Variants in NPHS1 observed in about 807,000 individuals in gnomAD.
NPHS1 encodes nephrin.
Under a neutral mutation model 139.7 loss-of-function variants are expected in NPHS1, and 107 were observed. That is an observed-to-expected ratio of 0.77 (90% CI 0.66 to 0.90). NPHS1 has a LOEUF of 0.90. Ranked by LOEUF, NPHS1 falls within the 40% of genes least tolerant of loss-of-function variation. NPHS1 has a pLI of 0.00. For synonymous variants in NPHS1, 707 were observed against 706.6 expected, an observed-to-expected ratio of 1.00 and a Z score of -0.01; for missense variants, 1,580 against 1,654.2, an observed-to-expected ratio of 0.96 and a Z score of 0.78.
In NPHS1 at chr19:35,849,646, G is replaced by T. The variant is rs201822740; in HGVS notation, c.616C>A (p.Pro206Thr). 13 of 1,613,348 alleles carry T rather than the reference G, an allele frequency of 8.1e-6. No individual in the cohort carries two copies. The East Asian group carries it at 2.7e-4, about 33-fold the overall frequency. The change falls in exon 6 of 29, where the codon CCC becomes ACC. Residue 206 changes from proline to threonine, a missense_variant. By Grantham distance (38) the Pro-to-Thr change is conservative. Transcript: ENST00000378910. The part of the protein sequence containing the change: ...FTVEATARVT[P>T]RSSDNRQLLV... ...AACTGCCTATTATCTGAGCTCCGGG[G>T]TGTCACCCTGGGATGAGAAGTCAGG...
intron 19 of NPHS1, 68 bp from the exon 20 acceptor site, chr19:35,841,934 G>A (rs1973061989): frequency 6.0e-6 from 9 of 1,512,316 alleles, no homozygotes; most frequent in Non-Finnish European, 8.1e-6. Context: ...AATCATCTAT[G>A]CATCCATCCA....
At position 35,849,629 on chromosome 19, in the gene NPHS1, A is replaced by G; in HGVS notation, c.633T>C (p.Asn211=). 3 of 1,613,980 alleles carry G rather than the reference A, an allele frequency of 1.9e-6. No individual in the cohort carries two copies. Among genetic ancestry groups the G allele is most frequent in the South Asian group, 1.1e-5 (1 of 91,078 alleles). The change falls in exon 6 of 29, where the codon AAT becomes AAC. Residue 211 remains asparagine, a synonymous_variant. Coordinates refer to ENST00000378910, the MANE Select transcript of NPHS1 (RefSeq NM_004646.4). ...TARVTPRSSD[N]RQLLVCEASS... is the part of the protein sequence containing the mutation. ...ACGCCTCACAGACCAGCAACTGCCT[A>G]TTATCTGAGCTCCGGGGTGTCACCC... is the stretch of plus-strand genomic sequence containing the variant.
At chr19:35,850,105 A>G (rs917267044) in intron 5 of NPHS1, among the ~76,000 whole-genome samples, 1 of 152,084 alleles carries the variant, frequency 6.6e-6, no homozygotes, top group African/African-American at 2.4e-5. Context: ...TAGTGAAAAC[A>G]GGGTTTCACC....
chr19:35,843,880 G>T, intron 16 of NPHS1: 1 of 688,324 alleles, frequency 1.5e-6, no homozygotes, highest in South Asian at 1.9e-5. Flanking sequence ...AGCAGCTTCC[G>T]TGTCTAGGCG....
chr19:35,844,001 T>C, intron 16 of NPHS1, 102 bp downstream of exon 16: 3 of 1,491,830 alleles, frequency 2.0e-6, no homozygotes, highest in Non-Finnish European at 2.7e-6. Flanking sequence ...GGTTCCAGGA[T>C]GGGTGGCTAT....
Position 35,825,473 on chromosome 19 carries a change from C to T in NPHS1, c.*1041G>A, listed in dbSNP as rs972581445. On this transcript the variant is annotated 3_prime_UTR_variant, in exon 29 of 29. Transcript: ENST00000378910. ...ATGAGTTTTGACAAATCTGTGCACC[C>T]GTGCAACCACCACCACAATCGTTAT... Among the ~76,000 whole-genome samples, 3 of 152,082 alleles carry T rather than the reference C, an allele frequency of 2.0e-5. No homozygotes were observed. The highest frequency in any genetic ancestry group is 6.6e-5 in the Admixed American group (1 of 15,262).
At position 35,845,624 on chromosome 19, in the gene NPHS1, G is replaced by A. The variant is rs1458833934; in HGVS notation, c.1757+45C>T. Reference sequence around the variant, plus strand: ...GGCGGGGGCGGGACATGCGTGGAGGGGGCGAGGCCAGACCAGAGAGGGGAG... The same window carrying A: ...GGCGGGGGCGGGACATGCGTGGAGGAGGCGAGGCCAGACCAGAGAGGGGAG... On this transcript the variant is annotated intron_variant, in intron 13 of 28. Coordinates refer to ENST00000378910, the MANE Select transcript of NPHS1 (RefSeq NM_004646.4). The surrounding 1 kb of genome is among the most constrained non-coding windows in gnomAD (Gnocchi z 5.5). The A allele has an allele frequency of 1.9e-6, 3 of 1,608,900 alleles. No homozygotes were observed. Among genetic ancestry groups the A allele is most frequent in the Admixed American group, 1.7e-5 (1 of 59,392 alleles).
rs1242924828 is a variant in NPHS1 at position 35,826,498 on chromosome 19, G to GT, written c.*15_*16insA. ...TAAATTCCTGCAGGTGCAGGACAAT[G>GT]GGGTTGAGAGGGCTCTTACACCAGA... On this transcript the variant is annotated 3_prime_UTR_variant, in exon 29 of 29. Transcript: ENST00000378910. The GT allele has an allele frequency of 6.2e-7, 1 of 1,613,096 alleles. No individual in the cohort carries two copies. The highest frequency in any genetic ancestry group is 1.1e-5 in the South Asian group (1 of 91,030).
intron 23 of NPHS1, among the ~76,000 whole-genome samples, chr19:35,834,375 G>A (rs1380285001): frequency 6.6e-6 from 1 of 152,200 alleles, no homozygotes; most frequent in Non-Finnish European, 1.5e-5. Context: ...CCAGCTGACT[G>A]CAGAGATGAT....
At chr19:35,842,695 A>T (rs1973079563) in intron 17 of NPHS1, 145 bp from the exon 18 acceptor site, 1 of 794,142 alleles carries the variant, frequency 1.3e-6, no homozygotes, top group East Asian at 2.7e-5. Flanking sequence ...CCTGTCATCC[A>T]TCTATCCATT....
chr19:35,841,747 G>C lies in NPHS1; in HGVS notation c.2783C>G (p.Ser928Trp), dbSNP rs386833926. The change falls in exon 20 of 29, where the codon TCG (serine) becomes TGG (tryptophan). Residue 928 changes from serine to tryptophan, a missense_variant. Transcript: ENST00000378910. ...GACAAGTTGAATGTTGGTTTGGTCCGAGCCAAGGGCGTTGGTGGCTGTACA... is the reference window on the plus strand; with the variant it reads ...GACAAGTTGAATGTTGGTTTGGTCCCAGCCAAGGGCGTTGGTGGCTGTACA... The part of the protein sequence containing the change: ...FTCTATNALG[S>W]DQTNIQLVSI... 1 of 1,614,044 alleles carries C rather than the reference G, an allele frequency of 6.2e-7. No homozygotes were observed. The highest frequency in any genetic ancestry group is 1.3e-5 in the African/African-American group (1 of 74,920).
Position 35,831,061 on chromosome 19 carries a change from T to A in NPHS1, c.3473A>T (p.Tyr1158Phe), listed in dbSNP as rs1052544381. The A allele has an allele frequency of 1.9e-6, 3 of 1,613,972 alleles. No individual in the cohort carries two copies. The African/African-American group carries it at 4.0e-5, about 22-fold the overall frequency. Reference protein sequence around the residue: ...QLPPTQEEVSYSRGFTGEDED... With the variant: ...QLPPTQEEVSFSRGFTGEDED... ...ACATGGTCCTAACTCACCTCGGGAA[T>A]AAGACACCTCCTCCTGCGTCGGGGG... Residue 1158 changes from tyrosine (Y) to phenylalanine (F), a missense_variant, in exon 27 of 29, where the codon TAT becomes TTT. Tyr to Phe is a conservative substitution (Grantham distance 22). Transcript: ENST00000378910.
chr19:35,839,344 G>C lies in NPHS1; in HGVS notation c.3002C>G (p.Thr1001Ser), dbSNP rs764277671. ...VPPQATTFTLTGLQPSTRYRV... is the reference protein window; with the variant it reads ...VPPQATTFTLSGLQPSTRYRV... Reference sequence around the variant, plus strand: ...GTATCTTGTAGAAGGCTGTAGACCAGTCAGCGTGAAGGTGGTGGCCTGGGG... The same window carrying C: ...GTATCTTGTAGAAGGCTGTAGACCACTCAGCGTGAAGGTGGTGGCCTGGGG... The change falls in exon 22 of 29, where the codon ACT (threonine) becomes AGT (serine). Residue 1001 changes from threonine to serine, a missense_variant. Physicochemically the swap from Thr to Ser is moderately conservative, Grantham distance 58. Transcript: ENST00000378910. 2.5e-6 allele frequency: 4 copies of C among 1,614,230 alleles called. No individual in the cohort carries two copies. The highest frequency in any genetic ancestry group is 3.4e-6 in the Non-Finnish European group (4 of 1,180,042).
chr19:35,841,573 T>C, intron 20 of NPHS1, 142 bp downstream of exon 20: 2 of 919,646 alleles, frequency 2.2e-6, no homozygotes, highest in Non-Finnish European at 3.5e-6. Context: ...CCATTAGGAT[T>C]TTCAGGGCAG....
At chr19:35,834,479 C>T (rs1025219697) in intron 23 of NPHS1, among the ~76,000 whole-genome samples, 1 of 152,094 alleles carries the variant, frequency 6.6e-6, no homozygotes, top group Non-Finnish European at 1.5e-5. Context: ...GTTCATTATA[C>T]AGCAAAAGCT....
chr19:35,827,798 T>A (rs1972817655), intron 28 of NPHS1, among the ~76,000 whole-genome samples: 1 of 152,060 alleles, frequency 6.6e-6, no homozygotes, highest in Non-Finnish European at 1.5e-5. Flanking sequence ...ATGCCTGTAA[T>A]CCCAGCTACT....
At chr19:35,828,731 G>A (rs1442817927) in intron 28 of NPHS1, among the ~76,000 whole-genome samples, 4 of 152,210 alleles carry the variant, frequency 2.6e-5, no homozygotes, top group Non-Finnish European at 5.9e-5. Flanking sequence ...CTTTACGGTG[G>A]CAGAGTTTGT....
chr19:35,825,931 T>A lies in NPHS1; in HGVS notation c.*583A>T, dbSNP rs1972795285. 6.5e-6 allele frequency: 1 copy of A among 152,678 alleles called. No individual in the cohort carries two copies. Among genetic ancestry groups the A allele is most frequent in the Non-Finnish European group, 1.5e-5 (1 of 68,454 alleles). 9.5% of individuals were successfully genotyped at this position (152,678 alleles called of 1,614,324 possible). ...ACTTAGGGACCCTCAGAATAGCATT[T>A]TATTTTTTATTTTTATTTTATTTTT... On this transcript the variant is annotated 3_prime_UTR_variant, in exon 29 of 29. Coordinates refer to ENST00000378910, the MANE Select transcript of NPHS1 (RefSeq NM_004646.4).
intron 22 of NPHS1, among the ~76,000 whole-genome samples, chr19:35,838,502 A>G (rs976368802): frequency 2.0e-5 from 3 of 152,122 alleles, no homozygotes; most frequent in Non-Finnish European, 2.9e-5. Flanking sequence ...GTAGTGAGCC[A>G]AGATCATGCC....
Sources: gnomAD v4.1 joint callset for allele counts (sites outside exome capture counted in the v4.1 genomes callset) on GRCh38, gnomAD v4.1.1 for gene constraint, Gnocchi (gnomAD v3.1) non-coding constraint, MANE v1.5 for transcripts, NCBI Gene and HGNC (gene_info 2026-07-23, HGNC 2026-07-21) for gene names.